TENM2: variants seen among roughly 807,000 people sequenced by gnomAD.
TENM2 encodes the protein teneurin-2.
In TENM2, 52 loss-of-function variants were observed where a neutral mutation model predicts 245.2. That is an observed-to-expected ratio of 0.21 (90% confidence interval 0.17 to 0.27). The LOEUF (loss-of-function observed/expected upper bound fraction) is 0.27. TENM2 is among the 10% of genes least tolerant of loss of function. TENM2 has a pLI of 1.00. For missense variants in TENM2, 3,046 were observed against 3,666.8 expected, an observed-to-expected ratio of 0.83 and a Z score of 4.37; for synonymous variants, 1,363 against 1,438.9, an observed-to-expected ratio of 0.95 and a Z score of 1.19.
intron 2 of TENM2, among the ~76,000 whole-genome samples, chr5:167,747,864 C>T (rs1320775935): frequency 6.6e-6 from 1 of 152,116 alleles, no homozygotes; most frequent in Non-Finnish European, 1.5e-5. Flanking sequence ...CCTTAAGTAA[C>T]ACACTGAATT....
the TENM2 span, among the ~76,000 whole-genome samples, chr5:167,158,854 T>TCCTTCCTGCCTG: frequency 1.8e-5 from 2 of 111,344 alleles, no homozygotes; most frequent in Non-Finnish European, 3.9e-5. Flanking sequence ...AGCCCTTCCT[T>TCCTTCCTGCCTG]CCTTCCTTCC....
the TENM2 span, among the ~76,000 whole-genome samples, chr5:166,999,587 A>G: frequency 3.3e-5 from 5 of 152,148 alleles, no homozygotes; most frequent in Non-Finnish European, 7.3e-5. Flanking sequence ...AGGGATCTAG[A>G]ACATACTTAG....
chr5:167,902,628 T>C (rs1191431103), intron 3 of TENM2, among the ~76,000 whole-genome samples: 1 of 152,126 alleles, frequency 6.6e-6, no homozygotes, highest in Admixed American at 6.5e-5. Context: ...AGAAATGGAA[T>C]GAGTTGTATA....
Position 168,004,509 on chromosome 5 carries a change from GCGCGCGCGCACACACA to G in TENM2, c.1186+11329_1186+11344del, listed in dbSNP as rs1562040609. On this transcript the variant is annotated intron_variant, in intron 5 of 28. Transcript: ENST00000518659. ...GCCCCCATTTGGGATGCACGCATGC[GCGCGCGCGCACACACA>G]CACACACACACACACACACACACAC... Among the ~76,000 whole-genome samples the G allele has an allele frequency of 3.2e-3, 365 of 113,390 alleles. 2 individuals carry two copies. The highest frequency in any genetic ancestry group is 0.012 in the African/African-American group (323 of 27,316). 74.4% of individuals were successfully genotyped at this position (113,390 alleles called of 152,430 possible). A position where few individuals can be genotyped will look rare whatever the true frequency, so the allele number is the denominator to read the frequency against.
chr5:167,094,653 T>G, the TENM2 span, among the ~76,000 whole-genome samples: 2 of 152,152 alleles, frequency 1.3e-5, no homozygotes, highest in Non-Finnish European at 2.9e-5. Flanking sequence ...ATGGTTTAAG[T>G]CTTGTGCTAC....
At chr5:167,663,467 C>A (rs1480714609) in intron 2 of TENM2, among the ~76,000 whole-genome samples, 1 of 152,120 alleles carries the variant, frequency 6.6e-6, no homozygotes, top group African/African-American at 2.4e-5. Context: ...TGTAGGCAAT[C>A]TGAGTTTTAA....
intron 5 of TENM2, among the ~76,000 whole-genome samples, chr5:168,036,663 T>A (rs1554183587): frequency 4.7e-5 from 5 of 106,706 alleles, no homozygotes; most frequent in Middle Eastern, 4.3e-3. Context: ...TATATATATA[T>A]AATATATGTA....
the TENM2 span, among the ~76,000 whole-genome samples, chr5:167,075,373 A>G: frequency 6.6e-6 from 1 of 152,184 alleles, no homozygotes; most frequent in East Asian, 1.9e-4. Context: ...TTAATCTTCT[A>G]ACTCAGTTTT....
At chr5:167,875,911 G>C in intron 2 of TENM2, 75 bp from the exon 5 acceptor site, 3 of 913,580 alleles carry the variant, frequency 3.3e-6, no homozygotes, top group Non-Finnish European at 5.2e-6. Flanking sequence ...TTGTGAGCTG[G>C]TTTCAATGTA....
At chr5:168,106,330 A>G (rs1439241945) in intron 9 of TENM2, among the ~76,000 whole-genome samples, 1 of 132,104 alleles carries the variant, frequency 7.6e-6, no homozygotes. Flanking sequence ...GCTACATGCC[A>G]GCACTAAAAA....
At chr5:167,208,243 T>G in the TENM2 span, among the ~76,000 whole-genome samples, 1 of 152,226 alleles carries the variant, frequency 6.6e-6, no homozygotes, top group Non-Finnish European at 1.5e-5. Context: ...CATTTCATGT[T>G]GTCTCTGATA....
chr5:167,677,879 A>G (rs996726803), intron 2 of TENM2, among the ~76,000 whole-genome samples: 4 of 151,822 alleles, frequency 2.6e-5, no homozygotes, highest in African/African-American at 9.7e-5. Flanking sequence ...CCAAGCTACT[A>G]TACTATTTAT....
At chr5:167,455,119 C>T (rs1765834277) in intron 2 of TENM2, among the ~76,000 whole-genome samples, 1 of 152,186 alleles carries the variant, frequency 6.6e-6, no homozygotes, top group Non-Finnish European at 1.5e-5. Flanking sequence ...TCTGTTCTTC[C>T]TGTCTTCATG....
At chr5:167,195,722 A>G in the TENM2 span, among the ~76,000 whole-genome samples, 2 of 152,002 alleles carry the variant, frequency 1.3e-5, no homozygotes, top group Non-Finnish European at 2.9e-5. Flanking sequence ...AAAAGAATAC[A>G]TATTTGAATG....
chr5:167,324,687 A>G (rs1756982514), intron 1 of TENM2, among the ~76,000 whole-genome samples: 1 of 152,190 alleles, frequency 6.6e-6, no homozygotes, highest in Non-Finnish European at 1.5e-5. Flanking sequence ...AAAAACATGG[A>G]AATAAATATG....
intron 2 of TENM2, among the ~76,000 whole-genome samples, chr5:167,611,773 T>C (rs1777492271): frequency 6.6e-6 from 1 of 152,014 alleles, no homozygotes; most frequent in Non-Finnish European, 1.5e-5. Flanking sequence ...TCATTGTGTC[T>C]TACATGGTGA....
rs1213278470 is a variant in TENM2 at position 168,004,503 on chromosome 5, GCATGCGCGCGCGCGCACA to G, written c.1186+11324_1186+11341del. Among the ~76,000 whole-genome samples, 372 of 92,560 alleles carry G rather than the reference GCATGCGCGCGCGCGCACA, an allele frequency of 4.0e-3. 5 individuals carry two copies. The highest frequency in any genetic ancestry group is 0.017 in the African/African-American group (342 of 20,148). 60.7% of individuals were successfully genotyped at this position (92,560 alleles called of 152,430 possible). On this transcript the variant is annotated intron_variant, in intron 5 of 28. Transcript: ENST00000518659. ...AGGTCAGCCCCCATTTGGGATGCAC[GCATGCGCGCGCGCGCACA>G]CACACACACACACACACACACACAC... is the stretch of plus-strand genomic sequence containing the variant.
At chr5:167,475,687 C>T (rs1332545768) in intron 2 of TENM2, among the ~76,000 whole-genome samples, 1 of 151,956 alleles carries the variant, frequency 6.6e-6, no homozygotes, top group African/African-American at 2.4e-5. Flanking sequence ...TGTGATGTTC[C>T]CCTCCCTGTC....
rs1177021083 is a variant in TENM2, at chr5:167,787,969, T to C, written c.503-88017T>C. Among the ~76,000 whole-genome samples, 3 of 152,274 alleles carry C rather than the reference T, an allele frequency of 2.0e-5. 1 individual carries two copies. The highest frequency in any genetic ancestry group is 4.4e-5 in the Non-Finnish European group (3 of 68,042). ...CTTCATGTTACTTCTCTTTTGTCCT[T>C]GATATGCCTTTAAAAATAACAGCTA... On this transcript the variant is annotated intron_variant, in intron 2 of 28. Transcript: ENST00000518659.
Sources: gnomAD v4.1 joint callset for allele counts (sites outside exome capture counted in the v4.1 genomes callset) on GRCh38, gnomAD v4.1.1 for gene constraint, MANE v1.5 for transcripts, NCBI Gene and HGNC (gene_info 2026-07-23, HGNC 2026-07-21) for gene names.